HIVEP3: variants seen among roughly 807,000 people sequenced by gnomAD.
The protein encoded by HIVEP3 is transcription factor HIVEP3.
HIVEP3 carries 49 observed loss-of-function variants against 152.8 expected under a neutral mutation model. The observed-to-expected ratio is 0.32, with a 90% CI of 0.26 to 0.41. The LOEUF is 0.41. Ranked by LOEUF, HIVEP3 falls within the 10% of genes least tolerant of loss-of-function variation. HIVEP3 has a pLI of 1.00. For synonymous variants in HIVEP3, 1,269 were observed against 1,289.0 expected, an observed-to-expected ratio of 0.98 and a Z score of 0.33; for missense variants, 2,790 against 3,103.3, an observed-to-expected ratio of 0.90 and a Z score of 2.40.
intron 5 of HIVEP3, among the ~76,000 whole-genome samples, chr1:41,531,179 A>G (rs1409337893): frequency 1.5e-5 from 2 of 134,950 alleles, no homozygotes; most frequent in Non-Finnish European, 3.2e-5. Context: ...GAGCGAAGGG[A>G]GGACAGGAGA....
intron 2 of HIVEP3, among the ~76,000 whole-genome samples, chr1:41,671,325 G>A (rs1645872305): frequency 6.6e-6 from 1 of 152,234 alleles, no homozygotes; most frequent in South Asian, 2.1e-4. Flanking sequence ...AGATGAAGTC[G>A]CAGTTAGCAG....
chr1:41,654,476 C>T (rs1221473305), intron 2 of HIVEP3, among the ~76,000 whole-genome samples: 1 of 152,112 alleles, frequency 6.6e-6, no homozygotes, highest in Non-Finnish European at 1.5e-5. Context: ...ATAAAATGTT[C>T]ATTTTTGGAA....
intron 1 of HIVEP3, among the ~76,000 whole-genome samples, chr1:41,917,460 A>G (rs1022427511): frequency 6.6e-5 from 10 of 152,180 alleles, no homozygotes; most frequent in Non-Finnish European, 1.5e-4. Context: ...CCCAGCGACC[A>G]GATCTGCAGA....
At chr1:41,841,348 G>A (rs921779084) in intron 1 of HIVEP3, among the ~76,000 whole-genome samples, 1 of 152,112 alleles carries the variant, frequency 6.6e-6, no homozygotes. Context: ...ATCCAGAAAC[G>A]CGGTGTTTAT....
chr1:41,868,833 C>T (rs901239913), intron 1 of HIVEP3, among the ~76,000 whole-genome samples: 1 of 152,196 alleles, frequency 6.6e-6, no homozygotes, highest in East Asian at 1.9e-4. Flanking sequence ...GATACTAACA[C>T]TTATTTCGTA....
intron 1 of HIVEP3, among the ~76,000 whole-genome samples, chr1:41,887,924 G>A (rs1570741892): frequency 6.6e-6 from 1 of 151,582 alleles, no homozygotes; most frequent in Non-Finnish European, 1.5e-5. Context: ...CAGTAACCAC[G>A]TTTTAAATAC....
chr1:42,019,225 G>A (rs1645540451), intron 1 of HIVEP3, among the ~76,000 whole-genome samples: 1 of 151,780 alleles, frequency 6.6e-6, no homozygotes, highest in Non-Finnish European at 1.5e-5. Flanking sequence ...GCTTAACTCG[G>A]CCCTTTTCTT....
intron 1 of HIVEP3, among the ~76,000 whole-genome samples, chr1:41,804,970 T>C (rs1395685199): frequency 1.3e-5 from 2 of 152,198 alleles, no homozygotes; most frequent in African/African-American, 2.4e-5. Context: ...CAAAGCCTAC[T>C]TTCCCGGTAG....
chr1:41,531,443 G>C (rs1220581869), intron 5 of HIVEP3, among the ~76,000 whole-genome samples: 1 of 141,890 alleles, frequency 7.0e-6, no homozygotes, highest in African/African-American at 2.6e-5. Context: ...TGGAAGACAG[G>C]GGAGATGGAG....
At chr1:41,856,818 G>C (rs1643781060) in intron 1 of HIVEP3, among the ~76,000 whole-genome samples, 1 of 152,162 alleles carries the variant, frequency 6.6e-6, no homozygotes, top group South Asian at 2.1e-4. Flanking sequence ...GTGTGGGACT[G>C]ACCCTCAGCC....
At position 41,510,137 on chromosome 1, in the gene HIVEP3, C is replaced by T. The variant is rs768773296; in HGVS notation, c.*314G>A. On this transcript the variant is annotated 3_prime_UTR_variant, in exon 9 of 9. Transcript: ENST00000372583. Reference sequence around the variant, plus strand: ...TGGGGTGGGTGGCTGCCAACCACAGCGGGGAGGGTCAGGAGGCTTCACCAT... The same window carrying T: ...TGGGGTGGGTGGCTGCCAACCACAGTGGGGAGGGTCAGGAGGCTTCACCAT... The T allele has an allele frequency of 4.4e-5, 11 of 247,592 alleles. No individual in the cohort carries two copies. The highest frequency in any genetic ancestry group is 7.5e-5 in the East Asian group (1 of 13,416). The allele number at this position is 247,592 out of a possible 1,614,324, so 15.3% of individuals were successfully genotyped here.
chr1:41,692,991 A>G (rs1646219267), intron 2 of HIVEP3, among the ~76,000 whole-genome samples: 1 of 152,210 alleles, frequency 6.6e-6, no homozygotes, highest in Admixed American at 6.5e-5. Flanking sequence ...AGAGTTTTAT[A>G]AGTGTTATCT....
chr1:41,779,102 C>T (rs1648883800), intron 1 of HIVEP3, among the ~76,000 whole-genome samples: 1 of 152,250 alleles, frequency 6.6e-6, no homozygotes, highest in Non-Finnish European at 1.5e-5. Flanking sequence ...TTGCTGCTTC[C>T]TGCCCTCCAA....
chr1:41,931,048 A>G (rs1205989124), intron 1 of HIVEP3, among the ~76,000 whole-genome samples: 1 of 152,054 alleles, frequency 6.6e-6, no homozygotes, highest in Non-Finnish European at 1.5e-5. Context: ...GATTGCAAAT[A>G]TTTTCTCACA....
At chr1:41,620,800 T>C (rs1181530744) in intron 3 of HIVEP3, among the ~76,000 whole-genome samples, 1 of 152,116 alleles carries the variant, frequency 6.6e-6, no homozygotes, top group African/African-American at 2.4e-5. Context: ...CACCCTCCAC[T>C]CCTACCCTTT....
intron 1 of HIVEP3, among the ~76,000 whole-genome samples, chr1:41,911,950 A>G (rs1644802907): frequency 6.6e-6 from 1 of 152,214 alleles, no homozygotes; most frequent in Admixed American, 6.5e-5. Context: ...CTGATATGGA[A>G]ATATTCCCAT....
intron 1 of HIVEP3, among the ~76,000 whole-genome samples, chr1:41,893,370 G>A (rs1303745533): frequency 6.6e-6 from 1 of 152,210 alleles, no homozygotes; most frequent in East Asian, 1.9e-4. Context: ...TCTGCCCAGT[G>A]GTTTTCAACT....
rs1644409434 is a variant in HIVEP3, at chr1:41,508,729, C to G, written c.*1722G>C. The G allele has an allele frequency of 6.6e-6, 1 of 152,310 alleles. No homozygotes were observed. The highest frequency in any genetic ancestry group is 1.5e-5 in the Non-Finnish European group (1 of 68,110). 9.4% of individuals were successfully genotyped at this position (152,310 alleles called of 1,614,324 possible). On this transcript the variant is annotated 3_prime_UTR_variant, in exon 9 of 9. Coordinates refer to ENST00000372583, the MANE Select transcript of HIVEP3 (RefSeq NM_024503.5). Reference sequence around the variant, plus strand: ...ACAGAAGGGTCTTAACCCTCCCCACCTACTGTGTCCTGTACCCAAGCAGCT... The same window carrying G: ...ACAGAAGGGTCTTAACCCTCCCCACGTACTGTGTCCTGTACCCAAGCAGCT...
intron 1 of HIVEP3, among the ~76,000 whole-genome samples, chr1:41,727,977 G>A (rs1022996268): frequency 2.0e-5 from 3 of 152,200 alleles, no homozygotes; most frequent in African/African-American, 4.8e-5. Flanking sequence ...TGCACACAGC[G>A]GCAGGGTGCA....
Sources: gnomAD v4.1 joint callset for allele counts (sites outside exome capture counted in the v4.1 genomes callset) on GRCh38, gnomAD v4.1.1 for gene constraint, MANE v1.5 for transcripts, NCBI Gene and HGNC (gene_info 2026-07-23, HGNC 2026-07-21) for gene names.